The following FOXN3 variants were observed in gnomAD, a reference collection of about 807,000 sequenced individuals.
FOXN3 encodes the protein forkhead box protein N3.
A neutral mutation model predicts 38.4 loss-of-function variants in FOXN3; 7 were observed. That is an observed-to-expected ratio of 0.18 (90% CI 0.10 to 0.34). The LOEUF is 0.34. Ranked by LOEUF, FOXN3 falls within the 10% of genes least tolerant of loss-of-function variation. The probability of loss-of-function intolerance (pLI) is 1.00; values close to 1 mark genes in which losing one functional copy is unlikely to be tolerated. For missense variants in FOXN3, 456 were observed against 613.4 expected (o/e 0.74, Z 2.71); for synonymous variants, 230 against 242.2 (o/e 0.95, Z 0.47).
intron 3 of FOXN3, among the ~76,000 whole-genome samples, chr14:89,324,922 C>T (rs938086004): frequency 1.3e-5 from 2 of 152,176 alleles, no homozygotes; most frequent in Non-Finnish European, 2.9e-5. Context: ...TTCTCCCAGG[C>T]TCCCAGGAAA....
intron 2 of FOXN3, chr14:89,353,275 T>G (rs376413985): frequency 6.6e-6 from 1 of 152,272 alleles, no homozygotes; most frequent in South Asian, 2.1e-4. Context: ...CGGCCCTACC[T>G]ACAGGTACTC....
At chr14:89,349,998 A>G (rs1188652399) in intron 3 of FOXN3, among the ~76,000 whole-genome samples, 1 of 152,170 alleles carries the variant, frequency 6.6e-6, no homozygotes, top group Non-Finnish European at 1.5e-5. Flanking sequence ...TGATCTTAAA[A>G]ATTTGGTTCT....
At chr14:89,526,107 T>G (rs756827590) in intron 1 of FOXN3, among the ~76,000 whole-genome samples, 3 of 127,162 alleles carry the variant, frequency 2.4e-5, no homozygotes, top group Admixed American at 7.3e-5. Context: ...AAACTAGGAA[T>G]AGAAGGAACT....
intron 3 of FOXN3, among the ~76,000 whole-genome samples, chr14:89,346,300 C>T (rs1888757161): frequency 6.6e-6 from 1 of 152,186 alleles, no homozygotes; most frequent in Non-Finnish European, 1.5e-5. Context: ...ATATTTTGCA[C>T]ATTTTCCCCT....
intron 4 of FOXN3, among the ~76,000 whole-genome samples, chr14:89,218,165 C>T (rs960260217): frequency 1.3e-5 from 2 of 152,226 alleles, no homozygotes; most frequent in Non-Finnish European, 2.9e-5. Context: ...TCCGCCATGC[C>T]TGCACCTATC....
intron 4 of FOXN3, among the ~76,000 whole-genome samples, chr14:89,267,066 ACCTTCTTC>A (rs763145486): frequency 4.3e-4 from 65 of 152,230 alleles, no homozygotes; most frequent in Admixed American, 5.9e-4. Context: ...TAGGTAGTTT[ACCTTCTTC>A]CCTTCTTCCC....
upstream of FOXN3, chr14:89,419,908 C>G (rs1363024254): frequency 1.3e-5 from 2 of 152,156 alleles, no homozygotes; most frequent in Non-Finnish European, 2.9e-5. Context: ...CAGGTGCAGT[C>G]GGGAAGACCT....
intron 4 of FOXN3, among the ~76,000 whole-genome samples, chr14:89,233,686 A>T (rs1884889437): frequency 6.6e-6 from 1 of 152,238 alleles, no homozygotes; most frequent in African/African-American, 2.4e-5. Context: ...GAACCACAGA[A>T]TCTGGAGTCT....
At chr14:89,561,788 G>C (rs1196861207) in intron 1 of FOXN3, among the ~76,000 whole-genome samples, 8 of 152,082 alleles carry the variant, frequency 5.3e-5, no homozygotes, top group Non-Finnish European at 8.8e-5. Flanking sequence ...CTGTATCTAG[G>C]AAGTAGGAGT....
rs1008163116 is a variant in FOXN3, at chr14:89,205,772, G to A, written c.746-24966C>T. Among the ~76,000 whole-genome samples the A allele has an allele frequency of 3.9e-5, 6 of 152,212 alleles. No individual in the cohort carries two copies. The East Asian group carries it at 7.7e-4, about 20-fold the overall frequency. ...TGTAACACACGCCCACCGGGGCTTCGGGAGCTGTAAACACTCAACCCTAGA... is the reference window on the plus strand; with the variant it reads ...TGTAACACACGCCCACCGGGGCTTCAGGAGCTGTAAACACTCAACCCTAGA... On this transcript the variant is annotated intron_variant, in intron 4 of 5. Coordinates refer to ENST00000557258, the MANE Select transcript of FOXN3 (RefSeq NM_005197.4).
At chr14:89,350,443 C>T (rs1888924506) in intron 3 of FOXN3, 1 of 371,334 alleles carries the variant, frequency 2.7e-6, no homozygotes, top group Non-Finnish European at 4.8e-6. Flanking sequence ...GACATGATTT[C>T]ACCCACCATG....
chr14:89,601,573 A>T (rs1354264922), intron 1 of FOXN3, among the ~76,000 whole-genome samples: 1 of 152,234 alleles, frequency 6.6e-6, no homozygotes, highest in African/African-American at 2.4e-5. Context: ...AAACTCAGGT[A>T]CAGGGTGATA....
At chr14:89,258,156 C>G (rs146016310) in intron 4 of FOXN3, among the ~76,000 whole-genome samples, 1 of 152,162 alleles carries the variant, frequency 6.6e-6, no homozygotes, top group Admixed American at 6.5e-5. Context: ...CACCCTGGAG[C>G]AGTGGTGTTT....
At chr14:89,266,043 T>C (rs922221899) in intron 4 of FOXN3, among the ~76,000 whole-genome samples, 2 of 152,206 alleles carry the variant, frequency 1.3e-5, no homozygotes, top group East Asian at 1.9e-4. Context: ...CTTCCCAAAC[T>C]GCCCTTAGCA....
At chr14:89,601,412 AG>A (rs1896150569) in intron 1 of FOXN3, among the ~76,000 whole-genome samples, 1 of 152,222 alleles carries the variant, frequency 6.6e-6, no homozygotes, top group Non-Finnish European at 1.5e-5. Flanking sequence ...TCCCATCCAT[AG>A]TACACTGCAA....
chr14:89,289,925 A>G (rs1886812600), intron 3 of FOXN3, among the ~76,000 whole-genome samples: 1 of 152,224 alleles, frequency 6.6e-6, no homozygotes, highest in South Asian at 2.1e-4. Context: ...ATCAGTTACT[A>G]TGTTTGTGAT....
chr14:89,194,518 T>A (rs1184238933), intron 4 of FOXN3, among the ~76,000 whole-genome samples: 1 of 152,114 alleles, frequency 6.6e-6, no homozygotes, highest in Non-Finnish European at 1.5e-5. Flanking sequence ...TGTCCTGGAC[T>A]CTCTGCTAGA....
At chr14:89,323,301 A>AAAAGAAAGAAAGAAAGAAAG (rs1555417897) in intron 3 of FOXN3, among the ~76,000 whole-genome samples, 3 of 142,928 alleles carry the variant, frequency 2.1e-5, no homozygotes, top group Non-Finnish European at 3.0e-5. Flanking sequence ...AAAAAAAAAA[A>AAAAGAAAGAAAGAAAGAAAG]AAAGAAAGAA....
intron 3 of FOXN3, among the ~76,000 whole-genome samples, chr14:89,336,741 T>G (rs767016260): frequency 6.6e-6 from 1 of 152,218 alleles, no homozygotes; most frequent in Non-Finnish European, 1.5e-5. Flanking sequence ...TAAAATAAAT[T>G]TAAAATTCTT....
Sources: allele counts gnomAD v4.1 joint callset (sites outside exome capture counted in the v4.1 genomes callset), GRCh38; gene constraint gnomAD v4.1.1; transcripts MANE v1.5; gene names NCBI Gene and HGNC (gene_info 2026-07-23, HGNC 2026-07-21).